Variants in IGFBP3 observed in about 807,000 individuals in gnomAD.
IGFBP3 encodes the protein insulin-like growth factor-binding protein 3.
A neutral mutation model predicts 28.6 loss-of-function variants in IGFBP3; 9 were observed. The ratio of observed to expected loss-of-function variants is 0.31; its 90% CI spans 0.19 to 0.55. The LOEUF is 0.55. Ranked by LOEUF, IGFBP3 falls within the 20% of genes least tolerant of loss-of-function variation. The pLI is 0.93. For missense variants in IGFBP3, 382 were observed against 428.9 expected, an observed-to-expected ratio of 0.89 and a Z score of 0.97; for synonymous variants, 185 against 188.2, an observed-to-expected ratio of 0.98 and a Z score of 0.14.
In IGFBP3 at chr7:45,921,250, G is replaced by T; in HGVS notation, c.-110C>A. On this transcript the variant is annotated 5_prime_UTR_variant, in exon 1 of 5. Coordinates refer to ENST00000613132, the MANE Select transcript of IGFBP3 (RefSeq NM_000598.5). ...AGGCAGGAAGCGGCTGATCCTCAGC[G>T]CCCAGCCGCAGTGCTCGCATCTGGG... is the stretch of plus-strand genomic sequence containing the variant. 7.6e-7 allele frequency: 1 copy of T among 1,317,918 alleles called. No individual in the cohort carries two copies. Among genetic ancestry groups the T allele is most frequent in the Non-Finnish European group, 1.0e-6 (1 of 964,274 alleles). The allele number at this position is 1,317,918 out of a possible 1,614,324, so 81.6% of individuals were successfully genotyped here. A position where few individuals can be genotyped will look rare whatever the true frequency, so the allele number is the denominator to read the frequency against.
At chr7:45,920,657 A>G in intron 1 of IGFBP3, 81 bp downstream of exon 1, 1 of 1,223,516 alleles carries the variant, frequency 8.2e-7, no homozygotes, top group South Asian at 2.4e-5. Flanking sequence ...AGTCTCCCGC[A>G]GCGGCACCCA....
At chr7:45,920,561 G>T (rs1055913876) in intron 1 of IGFBP3, 177 bp downstream of exon 1, 10 of 506,416 alleles carry the variant, frequency 2.0e-5, no homozygotes, top group Non-Finnish European at 3.2e-5. Context: ...GGGCCGGCTG[G>T]GGAGGGTCCC....
chr7:45,919,641 GT>G (rs1353536396), intron 1 of IGFBP3, among the ~76,000 whole-genome samples: 2 of 152,232 alleles, frequency 1.3e-5, no homozygotes, highest in Non-Finnish European at 1.5e-5. Context: ...TCGTTGGGGA[GT>G]TGGGGGAATT....
At position 45,916,658 on chromosome 7, in the gene IGFBP3, G is replaced by C. The variant is rs772535932; in HGVS notation, c.640C>G (p.Arg214Gly). Residue 214 changes from arginine (R) to glycine (G), a missense_variant, in exon 3 of 5, where the codon CGT becomes GGT. Arg to Gly is a moderately radical substitution (Grantham distance 125, BLOSUM62 -2). Transcript: ENST00000613132. ...SKRETEYGPC[R>G]REMEDTLNHL... Reference sequence around the variant, plus strand: ...TTCAGTGTGTCTTCCATTTCTCTACGGCAGGGACCCTGGGGATCAGGAAGG... The same window carrying C: ...TTCAGTGTGTCTTCCATTTCTCTACCGCAGGGACCCTGGGGATCAGGAAGG... The C allele has an allele frequency of 1.9e-6, 3 of 1,612,388 alleles. No homozygotes were observed. The highest frequency in any genetic ancestry group is 1.3e-5 in the African/African-American group (1 of 74,992).
Position 45,914,827 on chromosome 7 carries a change from C to T in IGFBP3, c.869G>A (p.Ser290Asn). ...CACCCTTGCGGCAGGCGTCTACTTG[C>T]TCTGCATGCTGTAGCAGTGCACGTC... is the stretch of plus-strand genomic sequence containing the variant. ...KEDVHCYSMQ[S>N]K Residue 290 changes from serine to asparagine, a missense_variant, in exon 4 of 5, where the codon AGC becomes AAC. Coordinates refer to ENST00000613132, the MANE Select transcript of IGFBP3 (RefSeq NM_000598.5). The T allele has an allele frequency of 1.2e-6, 2 of 1,614,078 alleles. No individual in the cohort carries two copies. The highest frequency in any genetic ancestry group is 1.7e-6 in the Non-Finnish European group (2 of 1,179,936).
chr7:45,918,961 GCTTT>G (rs1784648257), intron 1 of IGFBP3, among the ~76,000 whole-genome samples: 1 of 152,104 alleles, frequency 6.6e-6, no homozygotes, highest in African/African-American at 2.4e-5. Context: ...ATCTTAGCTT[GCTTT>G]CTTTTTCAAG....
chr7:45,920,865 A>T lies in IGFBP3; in HGVS notation c.276T>A (p.Leu92=). ...CCTCGTCGGGCGACGGCTGGCAGCG[A>T]AGGCCGGAGCCACAGCGCTCGGTGT... ...GIYTERCGSG[L]RCQPSPDEAR... is the part of the protein sequence containing the mutation. The change falls in exon 1 of 5, where the codon CTT becomes CTA. Residue 92 remains leucine, a synonymous_variant. Coordinates refer to ENST00000613132, the MANE Select transcript of IGFBP3 (RefSeq NM_000598.5). The T allele has an allele frequency of 7.0e-7, 1 of 1,420,178 alleles. No homozygotes were observed. Among genetic ancestry groups the T allele is most frequent in the Non-Finnish European group, 9.1e-7 (1 of 1,094,526 alleles). 88.0% of individuals were successfully genotyped at this position (1,420,178 alleles called of 1,614,324 possible).
At chr7:45,917,861 G>A (rs1363716779) in intron 1 of IGFBP3, among the ~76,000 whole-genome samples, 2 of 152,198 alleles carry the variant, frequency 1.3e-5, no homozygotes, top group South Asian at 2.1e-4. Flanking sequence ...AGCAGCGGCA[G>A]CCCGGGGACT....
In IGFBP3 at chr7:45,917,615, A is replaced by G. The variant is rs1784628188; in HGVS notation, c.404-176T>C. On this transcript the variant is annotated intron_variant, in intron 1 of 4. Transcript: ENST00000613132. ...GTATTATTCCATCATACTACTCACT[A>G]CATGGTGGTTGCTCTACCTCAAGAA... Among the ~76,000 whole-genome samples, 7 of 152,178 alleles carry G rather than the reference A, an allele frequency of 4.6e-5. No individual in the cohort carries two copies. The South Asian group carries it at 1.5e-3, about 32-fold the overall frequency.
chr7:45,920,777 G>A lies in IGFBP3; in HGVS notation c.364C>T (p.Arg122Cys), dbSNP rs1185306624. ...GCTGGCAGCAGGTAGGCGCGCAGGC[G>A]GCTGACGGCACTAGCGTTGACGCAG... ...GLCVNASAVS[R>C]LRAYLLPAPP... Residue 122 changes from arginine to cysteine, a missense_variant, in exon 1 of 5, where the codon CGC (arginine) becomes TGC (cysteine). Transcript: ENST00000613132. 7.0e-7 allele frequency: 1 copy of A among 1,422,858 alleles called. No individual in the cohort carries two copies. The highest frequency in any genetic ancestry group is 3.0e-5 in the Admixed American group (1 of 33,028). The allele number at this position is 1,422,858 out of a possible 1,614,324, so 88.1% of individuals were successfully genotyped here. A position where few individuals can be genotyped will look rare whatever the true frequency, so the allele number is the denominator to read the frequency against.
At chr7:45,918,978 A>C (rs1245661536) in intron 1 of IGFBP3, among the ~76,000 whole-genome samples, 1 of 152,190 alleles carries the variant, frequency 6.6e-6, no homozygotes, top group Non-Finnish European at 1.5e-5. Context: ...TTTTCAAGGA[A>C]ATACTGAGAT....
chr7:45,913,870 T>A (rs1483202132), intron 4 of IGFBP3, 36 bp from the exon 5 acceptor site: 1 of 151,894 alleles, frequency 6.6e-6, no homozygotes, highest in Non-Finnish European at 1.5e-5. Context: ...ATTGAAATAA[T>A]CCCCCCAAAA....
intron 1 of IGFBP3, 129 bp downstream of exon 1, chr7:45,920,609 G>T: frequency 1.0e-6 from 1 of 980,506 alleles, no homozygotes; most frequent in Non-Finnish European, 1.3e-6. Context: ...AGCGCCTTCA[G>T]TTTCCCCACA....
chr7:45,921,134 G>T lies in IGFBP3; in HGVS notation c.7C>A (p.Arg3=), dbSNP rs557254513. ...GCGGCCCAGAGCGTGGGTCGCGCCC[G>T]CTGCATGACGCCTGCAACCGGGGCA... is the stretch of plus-strand genomic sequence containing the variant. MQ[R]ARPTLWAAAL... Residue 3 remains arginine, a synonymous_variant, in exon 1 of 5, where the codon CGG becomes AGG. Transcript: ENST00000613132. 6.7e-7 allele frequency: 1 copy of T among 1,500,088 alleles called. No individual in the cohort carries two copies. Among genetic ancestry groups the T allele is most frequent in the African/African-American group, 1.5e-5 (1 of 68,724 alleles). The allele number at this position is 1,500,088 out of a possible 1,614,324, so 92.9% of individuals were successfully genotyped here.
chr7:45,913,976 T>G (rs1388970578), intron 4 of IGFBP3, 142 bp from the exon 5 acceptor site: 8 of 152,162 alleles, frequency 5.3e-5, no homozygotes, highest in African/African-American at 1.9e-4. Flanking sequence ...TCAACTCATG[T>G]TTTCAAACAA....
Position 45,920,976 on chromosome 7 carries a change from G to A in IGFBP3, c.165C>T (p.Pro55=), listed in dbSNP as rs965785459. The part of the protein sequence containing the change: ...ARALAQCAPP[P]AVCAELVREP... ...CGCGCACCAGCTCCGCGCACACGGC[G>A]GGCGGAGGCGCGCACTGGGCCAGTG... Residue 55 remains proline (P), a synonymous_variant, in exon 1 of 5, where the codon CCC becomes CCT. Coordinates refer to ENST00000613132, the MANE Select transcript of IGFBP3 (RefSeq NM_000598.5). The A allele has an allele frequency of 2.0e-5, 27 of 1,348,732 alleles. No individual in the cohort carries two copies. Among genetic ancestry groups the A allele is most frequent in the Non-Finnish European group, 2.6e-5 (27 of 1,058,622 alleles). The allele number at this position is 1,348,732 out of a possible 1,614,324, so 83.5% of individuals were successfully genotyped here. A position where few individuals can be genotyped will look rare whatever the true frequency, so the allele number is the denominator to read the frequency against.
At chr7:45,915,939 G>A (rs564723626) in intron 3 of IGFBP3, among the ~76,000 whole-genome samples, 60 of 152,166 alleles carry the variant, frequency 3.9e-4, no homozygotes, top group Non-Finnish European at 7.5e-4. Context: ...GGGATGGCTG[G>A]GCTCTCCAAG....
At chr7:45,918,058 T>G (rs1784637763) in intron 1 of IGFBP3, among the ~76,000 whole-genome samples, 1 of 152,242 alleles carries the variant, frequency 6.6e-6, no homozygotes, top group Admixed American at 6.5e-5. Context: ...CAAAGCGTTT[T>G]GCCTCAGGGG....
chr7:45,912,393 A>G lies in IGFBP3; in HGVS notation c.*1457T>C, dbSNP rs1242546184. On this transcript the variant is annotated 3_prime_UTR_variant, in exon 5 of 5. Transcript: ENST00000613132. ...AACTTTATTTACTATTTATAAATAC[A>G]TTGCAAGACAAACTTCTCAAAAATA... is the stretch of plus-strand genomic sequence containing the variant. 3.9e-5 allele frequency: 6 copies of G among 152,150 alleles called. No homozygotes were observed. Among genetic ancestry groups the G allele is most frequent in the Admixed American group, 3.3e-4 (5 of 15,274 alleles). 9.4% of individuals were successfully genotyped at this position (152,150 alleles called of 1,614,324 possible). A position where few individuals can be genotyped will look rare whatever the true frequency, so the allele number is the denominator to read the frequency against.
Sources: gnomAD v4.1 joint callset for allele counts (sites outside exome capture counted in the v4.1 genomes callset) on GRCh38, gnomAD v4.1.1 for gene constraint, MANE v1.5 for transcripts, NCBI Gene and HGNC (gene_info 2026-07-23, HGNC 2026-07-21) for gene names.